The following ARHGEF6 variants were observed in gnomAD, a reference collection of about 807,000 sequenced individuals.
ARHGEF6 encodes rho guanine nucleotide exchange factor 6.
Under a neutral mutation model 70.3 loss-of-function variants are expected in ARHGEF6, and 9 were observed. The ratio of observed to expected loss-of-function variants is 0.13; its 90% confidence interval spans 0.08 to 0.22. ARHGEF6 has a LOEUF of 0.22. Ranked by LOEUF, ARHGEF6 falls within the 10% of genes least tolerant of loss-of-function variation. The pLI, the probability that ARHGEF6 is intolerant of heterozygous loss-of-function variation, is 1.00. For missense variants in ARHGEF6, 470 were observed against 563.0 expected (o/e 0.83, Z 1.67); for synonymous variants, 201 against 207.8 (o/e 0.97, Z 0.28).
chrX:136,679,519 T>C lies in ARHGEF6; in HGVS notation c.1830+16A>G, dbSNP rs751849274. ...AACTTGTCAGAAGCATTTTATACCA[T>C]AGGTAGCAAAATTACCTCTTTATAA... is the stretch of plus-strand genomic sequence containing the variant. On this transcript the variant is annotated intron_variant, in intron 16 of 21. Transcript: ENST00000250617. 8.3e-7 allele frequency: 1 copy of C among 1,210,178 alleles called. No individual in the cohort carries two copies. Among genetic ancestry groups the C allele is most frequent in the Non-Finnish European group, 1.1e-6 (1 of 894,035 alleles).
rs748697906 is a variant in ARHGEF6 at position 136,745,217 on chromosome X, A to C, written c.459+6T>G. 8.3e-7 allele frequency: 1 copy of C among 1,211,780 alleles called. No individual in the cohort carries two copies. The highest frequency in any genetic ancestry group is 3.0e-5 in the East Asian group (1 of 33,859). The stretch of plus-strand genomic sequence containing the variant: ...AAACAGACGGAGAATTGGGGACTAT[A>C]CTTACCACTGTCTTTGACTGCCTTT... On this transcript the variant is annotated splice_donor_region_variant and intron_variant, in intron 4 of 21. Transcript: ENST00000250617.
At chrX:136,685,909 T>A in intron 11 of ARHGEF6, 86 bp from the exon 12 acceptor site, 1 of 1,043,274 alleles carries the variant, frequency 9.6e-7, no homozygotes, top group Admixed American at 2.2e-5. Flanking sequence ...GGCTTCTGAC[T>A]CTTTGGTTCC....
chrX:136,696,895 G>A lies in ARHGEF6; in HGVS notation c.1047-6147C>T, dbSNP rs896789395. 4.5e-5 allele frequency among the ~76,000 whole-genome samples: 5 copies of A among 110,438 alleles called. No individual in the cohort carries two copies. In the Admixed American group the frequency reaches 4.8e-4, roughly 11 times the overall value. ...CAAAAAATATGATATCTCACCAGGA[G>A]GGACAGGTCATCAGCACATCTCTCC... is the stretch of plus-strand genomic sequence containing the variant. On this transcript the variant is annotated intron_variant, in intron 9 of 21. Transcript: ENST00000250617.
chrX:136,687,638 G>A (rs566242624), intron 11 of ARHGEF6, among the ~76,000 whole-genome samples: 2 of 112,033 alleles, frequency 1.8e-5, no homozygotes, highest in African/African-American at 6.5e-5. Context: ...AGCAATGGGG[G>A]TAAAGACAAA....
chrX:136,740,286 G>C (rs772969419), intron 5 of ARHGEF6, among the ~76,000 whole-genome samples: 2 of 111,604 alleles, frequency 1.8e-5, no homozygotes, highest in East Asian at 5.6e-4. Flanking sequence ...TGGGATTACA[G>C]ACATGAGCCA....
At chrX:136,736,380 ATGAC>A (rs1249627142) in intron 5 of ARHGEF6, among the ~76,000 whole-genome samples, 1 of 111,945 alleles carries the variant, frequency 8.9e-6, no homozygotes, top group Non-Finnish European at 1.9e-5. Flanking sequence ...AACTTATATA[ATGAC>A]TAAGTTATTA....
chrX:136,752,563 A>T (rs1056456972), intron 2 of ARHGEF6, among the ~76,000 whole-genome samples: 1 of 112,230 alleles, frequency 8.9e-6, no homozygotes, highest in African/African-American at 3.2e-5. Flanking sequence ...TTAGTTAAGA[A>T]AAGAAGGCAT....
At chrX:136,740,886 T>C (rs997689378) in intron 5 of ARHGEF6, among the ~76,000 whole-genome samples, 3 of 111,487 alleles carry the variant, frequency 2.7e-5, no homozygotes, top group Non-Finnish European at 3.8e-5. Context: ...CTAAATTATA[T>C]CAACAAAATT....
At chrX:136,741,281 A>G (rs1434563292) in intron 5 of ARHGEF6, among the ~76,000 whole-genome samples, 1 of 111,753 alleles carries the variant, frequency 8.9e-6, no homozygotes, top group African/African-American at 3.3e-5. Flanking sequence ...GGCCCATCCC[A>G]TTTATACGTG....
chrX:136,680,832 C>A lies in ARHGEF6; in HGVS notation c.1603G>T (p.Asp535Tyr). Reference protein sequence around the residue: ...RIVVHCNNNQDFQEWLEQLNR... With the variant: ...RIVVHCNNNQYFQEWLEQLNR... Reference sequence around the variant, plus strand: ...AGCTGCTCCAACCATTCCTGGAAGTCCTGGTTGTTGTTACAATGGACCACA... The same window carrying A: ...AGCTGCTCCAACCATTCCTGGAAGTACTGGTTGTTGTTACAATGGACCACA... Residue 535 changes from aspartate to tyrosine, a missense_variant, in exon 15 of 22, where the codon GAC becomes TAC. Asp to Tyr is a radical substitution (Grantham distance 160). Around this residue, in one of 3 missense-constraint regions of ARHGEF6, gnomAD observed 379 missense variants for 449.3 expected, o/e 0.84. Coordinates refer to ENST00000250617, the MANE Select transcript of ARHGEF6 (RefSeq NM_004840.3). 8.3e-6 allele frequency: 10 copies of A among 1,211,328 alleles called. No homozygotes were observed. Among genetic ancestry groups the A allele is most frequent in the Non-Finnish European group, 1.1e-5 (10 of 894,997 alleles).
chrX:136,667,780 G>T lies in ARHGEF6; in HGVS notation c.*249C>A, dbSNP rs1273538707. The T allele has an allele frequency of 2.2e-5, 9 of 412,083 alleles. No homozygotes were observed. The highest frequency in any genetic ancestry group is 3.4e-5 in the Non-Finnish European group (8 of 236,837). The allele number at this position is 412,083 out of a possible 1,213,427, so 34.0% of individuals were successfully genotyped here. A position where few individuals can be genotyped will look rare whatever the true frequency, so the allele number is the denominator to read the frequency against. Reference sequence around the variant, plus strand: ...GAGGCCATCTCTACCACCACTTCCTGCTTTTTCACCTGTTGAAAAAAAAAA... The same window carrying T: ...GAGGCCATCTCTACCACCACTTCCTTCTTTTTCACCTGTTGAAAAAAAAAA... On this transcript the variant is annotated 3_prime_UTR_variant, in exon 22 of 22. Transcript: ENST00000250617.
intron 17 of ARHGEF6, among the ~76,000 whole-genome samples, chrX:136,677,218 T>G (rs2076289544): frequency 8.9e-6 from 1 of 112,316 alleles, no homozygotes; most frequent in Admixed American, 9.4e-5. Context: ...TTTCCATTTG[T>G]GAGACAGAAA....
At chrX:136,676,022 A>T (rs911489308) in intron 18 of ARHGEF6, among the ~76,000 whole-genome samples, 2 of 111,930 alleles carry the variant, frequency 1.8e-5, no homozygotes, top group Non-Finnish European at 3.8e-5. Flanking sequence ...TTCCCAGCTG[A>T]TACACACAAT....
intron 20 of ARHGEF6, among the ~76,000 whole-genome samples, chrX:136,670,792 G>A (rs1405639300): frequency 9.0e-6 from 1 of 111,507 alleles, no homozygotes; most frequent in Non-Finnish European, 1.9e-5. Flanking sequence ...CAAAGTCAGA[G>A]GCATTCTTTC....
intron 5 of ARHGEF6, among the ~76,000 whole-genome samples, chrX:136,738,186 ACCTATACTGT>A (rs2148654849): frequency 9.0e-6 from 1 of 110,871 alleles, no homozygotes; most frequent in African/African-American, 3.3e-5. Flanking sequence ...TCGTCCACTG[ACCTATACTGT>A]CAGTTGACTC....
At chrX:136,772,505 G>A (rs1428403721) in intron 2 of ARHGEF6, among the ~76,000 whole-genome samples, 2 of 112,220 alleles carry the variant, frequency 1.8e-5, no homozygotes, top group Non-Finnish European at 3.8e-5. Flanking sequence ...AACATTTCAT[G>A]TACCCCACAA....
At chrX:136,717,343 T>C (rs991870303) in intron 6 of ARHGEF6, among the ~76,000 whole-genome samples, 1 of 111,851 alleles carries the variant, frequency 8.9e-6, no homozygotes, top group Non-Finnish European at 1.9e-5. Context: ...AAAAACCCAC[T>C]AACCTTGAGT....
chrX:136,744,089 C>G (rs1226299141), intron 4 of ARHGEF6, among the ~76,000 whole-genome samples: 1 of 111,672 alleles, frequency 9.0e-6, no homozygotes, highest in Non-Finnish European at 1.9e-5. Flanking sequence ...AGCCAGATAA[C>G]AAAGTAGAGT....
chrX:136,682,672 T>C (rs1031751275), intron 13 of ARHGEF6, 86 bp downstream of exon 13: 2 of 744,438 alleles, frequency 2.7e-6, no homozygotes, highest in Non-Finnish European at 2.1e-6. Context: ...CTTGAGCTTT[T>C]AATGCCATAG....
Sources: gnomAD v4.1 joint callset for allele counts (sites outside exome capture counted in the v4.1 genomes callset) on GRCh38, gnomAD v4.1.1 for gene constraint, gnomAD v4.1.1 regional missense constraint, MANE v1.5 for transcripts, NCBI Gene and HGNC (gene_info 2026-07-23, HGNC 2026-07-21) for gene names.